Variants in PACRGL observed in about 807,000 individuals in gnomAD.
The protein encoded by PACRGL is parkin coregulated like.
Under a neutral mutation model 34.5 loss-of-function variants are expected in PACRGL, and 38 were observed. That is an observed-to-expected ratio of 1.10 (90% confidence interval 0.85 to 1.44). The LOEUF (loss-of-function observed/expected upper bound fraction) is 1.44. Among genes scored for constraint, PACRGL ranks in the 40% most tolerant of loss-of-function variants. The pLI is 0.00. For missense variants in PACRGL, 305 were observed against 281.4 expected, an observed-to-expected ratio of 1.08 and a Z score of -0.60; for synonymous variants, 128 against 100.1, an observed-to-expected ratio of 1.28 and a Z score of -1.66.
the PACRGL span, chr4:20,758,930 C>CAT: frequency 6.4e-7 from 1 of 1,554,666 alleles, no homozygotes; most frequent in Non-Finnish European, 8.9e-7. Flanking sequence ...GCAAAGTGTT[C>CAT]ATAAAACTGA....
At chr4:20,756,357 C>T (rs1001969850), downstream of PACRGL, among the ~76,000 whole-genome samples, 1 of 152,152 alleles carries the variant, frequency 6.6e-6, no homozygotes, top group Non-Finnish European at 1.5e-5. Context: ...ACTATCCCAT[C>T]GCATCACTAT....
rs902588598 is a variant in PACRGL at position 20,730,573 on chromosome 4, G to A, written c.*3232G>A. On this transcript the variant is annotated 3_prime_UTR_variant, in exon 9 of 9. Coordinates refer to ENST00000503585, the MANE Select transcript of PACRGL (RefSeq NM_001258345.3). ...CAGTTCATGAAGATTGGAGGCTGGC[G>A]CATAGGAGGCAGGGTGGTGGATTAA... 2.0e-5 allele frequency among the ~76,000 whole-genome samples: 3 copies of A among 151,676 alleles called. No individual in the cohort carries two copies. The highest frequency in any genetic ancestry group is 6.6e-5 in the Admixed American group (1 of 15,266).
chr4:20,765,526 A>G, the PACRGL span, among the ~76,000 whole-genome samples: 3 of 152,192 alleles, frequency 2.0e-5, no homozygotes, highest in African/African-American at 7.2e-5. Context: ...TAGTGTAACA[A>G]GAACCTCCCC....
At chr4:20,747,785 G>A (rs1275687794) in intron 8 of PACRGL, among the ~76,000 whole-genome samples, 1 of 152,052 alleles carries the variant, frequency 6.6e-6, no homozygotes, top group African/African-American at 2.4e-5. Flanking sequence ...GTGTGAGGAG[G>A]CTCTTGCCTG....
intron 8 of PACRGL, among the ~76,000 whole-genome samples, chr4:20,725,407 G>GTT (rs1469563021): frequency 6.6e-6 from 1 of 152,018 alleles, no homozygotes; most frequent in African/African-American, 2.4e-5. Flanking sequence ...TGCTGGAATA[G>GTT]TTTAATTGGT....
At chr4:20,757,706 C>T (rs547937339), downstream of PACRGL, among the ~76,000 whole-genome samples, 11 of 152,170 alleles carry the variant, frequency 7.2e-5, no homozygotes, top group African/African-American at 2.4e-4. Context: ...AATGGGAGAG[C>T]GAAAGACTAT....
At chr4:20,697,088 T>C (rs954604345), upstream of PACRGL, among the ~76,000 whole-genome samples, 2 of 152,244 alleles carry the variant, frequency 1.3e-5, no homozygotes, top group Admixed American at 1.3e-4. Context: ...TCACTCATGT[T>C]GATTTCATTT....
chr4:20,713,489 G>A lies in PACRGL; in HGVS notation c.559G>A (p.Val187Ile). Residue 187 changes from valine to isoleucine, a missense_variant, in exon 7 of 9, where the codon GTC becomes ATC. Val to Ile is a conservative substitution (Grantham distance 29). Coordinates refer to ENST00000503585, the MANE Select transcript of PACRGL (RefSeq NM_001258345.3). ...ATTGAATGCTCTAGTTCAGCTAAGT[G>A]TCGTTGTTGGTCCTTCTCTAAACGA... The part of the protein sequence containing the change: ...RGLNALVQLS[V>I]VVGPSLNDHL... 1 of 1,613,700 alleles carries A rather than the reference G, an allele frequency of 6.2e-7. No homozygotes were observed. The highest frequency in any genetic ancestry group is 2.2e-5 in the East Asian group (1 of 44,852).
upstream of PACRGL, among the ~76,000 whole-genome samples, chr4:20,697,749 G>A (rs1331769027): frequency 6.6e-6 from 1 of 152,184 alleles, no homozygotes; most frequent in Non-Finnish European, 1.5e-5. Context: ...AACAGATTCA[G>A]TGTCTGGTAA....
chr4:20,697,400 G>A (rs1405333628), upstream of PACRGL, among the ~76,000 whole-genome samples: 1 of 151,992 alleles, frequency 6.6e-6, no homozygotes. Context: ...TTTTTCACAA[G>A]TCAATGAGAA....
intron 4 of PACRGL, among the ~76,000 whole-genome samples, chr4:20,709,150 A>G (rs10034054): frequency 0.33 from 49,667 of 151,864 alleles, 8,580 homozygotes; most frequent in African/African-American, 0.43. Flanking sequence ...AAAAAAAAGC[A>G]GTTAAAAGAA....
At position 20,731,569 on chromosome 4, in the gene PACRGL, A is replaced by G; in HGVS notation, c.*4228A>G. 1.0e-6 allele frequency: 1 copy of G among 985,404 alleles called. No individual in the cohort carries two copies. The highest frequency in any genetic ancestry group is 1.2e-6 in the Non-Finnish European group (1 of 829,910). The allele number at this position is 985,404 out of a possible 1,614,324, so 61.0% of individuals were successfully genotyped here. On this transcript the variant is annotated 3_prime_UTR_variant, in exon 9 of 9. Coordinates refer to ENST00000503585, the MANE Select transcript of PACRGL (RefSeq NM_001258345.3). The stretch of plus-strand genomic sequence containing the variant: ...TTTCTTGTCCACATACACTAAAACA[A>G]TGACTTTTCTCTTAGAAATCAGATA...
At chr4:20,720,157 C>T (rs2149161135) in intron 7 of PACRGL, among the ~76,000 whole-genome samples, 1 of 151,838 alleles carries the variant, frequency 6.6e-6, no homozygotes, top group South Asian at 2.1e-4. Context: ...CAACTTCTGC[C>T]TTTTTTTTGT....
At chr4:20,713,239 G>GT (rs1189563170) in intron 6 of PACRGL, 193 bp from the exon 7 acceptor site, 2 of 579,368 alleles carry the variant, frequency 3.5e-6, no homozygotes, top group African/African-American at 3.8e-5. Context: ...TGGAAAATTT[G>GT]TTTTTTGCTT....
chr4:20,722,170 G>A (rs1288183234), intron 7 of PACRGL, among the ~76,000 whole-genome samples: 1 of 152,210 alleles, frequency 6.6e-6, no homozygotes, highest in Non-Finnish European at 1.5e-5. Context: ...TAAGACCATT[G>A]GAAAAGTGCA....
intron 8 of PACRGL, among the ~76,000 whole-genome samples, chr4:20,738,760 CCA>C (rs1274676234): frequency 6.6e-6 from 1 of 151,820 alleles, no homozygotes; most frequent in Non-Finnish European, 1.5e-5. Context: ...TGGATGCAGC[CCA>C]CAGAGTGTGA....
At chr4:20,720,995 T>A (rs898511162) in intron 7 of PACRGL, among the ~76,000 whole-genome samples, 1 of 152,158 alleles carries the variant, frequency 6.6e-6, no homozygotes, top group Non-Finnish European at 1.5e-5. Flanking sequence ...TTCACATAGT[T>A]CCATATTTCT....
intron 8 of PACRGL, among the ~76,000 whole-genome samples, chr4:20,739,255 G>A (rs1750464371): frequency 6.6e-6 from 1 of 152,198 alleles, no homozygotes; most frequent in Non-Finnish European, 1.5e-5. Flanking sequence ...CATGGAGTTT[G>A]AGATCTGAGA....
At chr4:20,697,843 T>C (rs1731306952), upstream of PACRGL, among the ~76,000 whole-genome samples, 1 of 152,190 alleles carries the variant, frequency 6.6e-6, no homozygotes, top group Non-Finnish European at 1.5e-5. Flanking sequence ...CTCAGGCCTC[T>C]ATTATTAGGG....
Sources: gnomAD v4.1 joint callset for allele counts (sites outside exome capture counted in the v4.1 genomes callset) on GRCh38, gnomAD v4.1.1 for gene constraint, MANE v1.5 for transcripts, NCBI Gene and HGNC (gene_info 2026-07-23, HGNC 2026-07-21) for gene names.